Variants in ARHGEF6 observed in about 807,000 individuals in gnomAD.
ARHGEF6 encodes the protein Rac/Cdc42 guanine nucleotide exchange factor 6, also known as rho guanine nucleotide exchange factor 6.
A neutral mutation model predicts 70.3 loss-of-function variants in ARHGEF6; 9 were observed. The observed-to-expected ratio is 0.13, with a 90% CI of 0.08 to 0.22. The LOEUF (loss-of-function observed/expected upper bound fraction) is 0.22. ARHGEF6 is among the 10% of genes least tolerant of loss of function. The pLI is 1.00. For synonymous variants in ARHGEF6, 201 were observed against 207.8 expected (o/e 0.97, Z 0.28); for missense variants, 470 against 563.0 (o/e 0.83, Z 1.67).
chrX:136,679,025 C>G (rs1421527794), intron 16 of ARHGEF6, among the ~76,000 whole-genome samples: 1 of 112,050 alleles, frequency 8.9e-6, no homozygotes, highest in Non-Finnish European at 1.9e-5. Context: ...TCTGAGAAGC[C>G]TCTTTTTAAA....
At chrX:136,764,464 C>T (rs775195806) in intron 2 of ARHGEF6, among the ~76,000 whole-genome samples, 1 of 112,401 alleles carries the variant, frequency 8.9e-6, no homozygotes, top group South Asian at 3.7e-4. Context: ...TGAACCACTA[C>T]TACCTGCAAC....
intron 2 of ARHGEF6, among the ~76,000 whole-genome samples, chrX:136,758,206 A>G (rs1361467858): frequency 6.6e-5 from 7 of 105,488 alleles, no homozygotes; most frequent in Non-Finnish European, 9.7e-5. Context: ...ACGTGCCACC[A>G]CGCCCGGCTA....
chrX:136,727,687 C>T (rs1179217232), intron 6 of ARHGEF6, among the ~76,000 whole-genome samples: 3 of 110,259 alleles, frequency 2.7e-5, no homozygotes, highest in African/African-American at 9.9e-5. Context: ...GCCTAGGCCA[C>T]CATGCCCAGC....
intron 2 of ARHGEF6, chrX:136,774,067 G>A (rs1431601481): frequency 1.8e-5 from 2 of 111,587 alleles, no homozygotes; most frequent in African/African-American, 3.3e-5. Flanking sequence ...GCCCCTGTAC[G>A]AGAATAACAC....
At chrX:136,722,302 A>C (rs745679227) in intron 6 of ARHGEF6, among the ~76,000 whole-genome samples, 12 of 112,311 alleles carry the variant, frequency 1.1e-4, no homozygotes, top group Non-Finnish European at 2.3e-4. Context: ...AAAGCAAAAC[A>C]AAACAAAAAT....
At chrX:136,780,559 T>G (rs1205095804) in intron 1 of ARHGEF6, among the ~76,000 whole-genome samples, 159 bp downstream of exon 1, 1 of 111,969 alleles carries the variant, frequency 8.9e-6, no homozygotes, top group Non-Finnish European at 1.9e-5. Flanking sequence ...TTTTCTTACA[T>G]TTTCAAACTA....
intron 6 of ARHGEF6, among the ~76,000 whole-genome samples, chrX:136,718,668 A>G (rs1182110083): frequency 9.0e-6 from 1 of 111,614 alleles, no homozygotes; most frequent in Admixed American, 9.5e-5. Flanking sequence ...TGATAAATAT[A>G]TTTTGAATCT....
rs190654747 is a variant in ARHGEF6, at chrX:136,735,492, C to T, written c.662-3320G>A. ...TGGGTGGTGGGGGGGATTCAAAGTG[C>T]CCTAACTAGAACGAACATGAAAATG... On this transcript the variant is annotated intron_variant, in intron 5 of 21. Coordinates refer to ENST00000250617, the MANE Select transcript of ARHGEF6 (RefSeq NM_004840.3). Among the ~76,000 whole-genome samples, 10 of 111,032 alleles carry T rather than the reference C, an allele frequency of 9.0e-5. No homozygotes were observed. The East Asian group carries it at 1.4e-3, about 16-fold the overall frequency.
intron 10 of ARHGEF6, among the ~76,000 whole-genome samples, 178 bp downstream of exon 10, chrX:136,690,432 T>C (rs754743138): frequency 9.0e-6 from 1 of 110,603 alleles, no homozygotes; most frequent in African/African-American, 3.3e-5. Context: ...AAGGATCTTA[T>C]TTTGCTGCAT....
chrX:136,674,240 C>T (rs961264704), intron 19 of ARHGEF6, among the ~76,000 whole-genome samples: 1 of 112,311 alleles, frequency 8.9e-6, no homozygotes, highest in Admixed American at 9.4e-5. Flanking sequence ...GAAATCCCCT[C>T]CCACATTCAA....
At chrX:136,675,659 G>T (rs1185857403) in intron 18 of ARHGEF6, among the ~76,000 whole-genome samples, 1 of 109,902 alleles carries the variant, frequency 9.1e-6, no homozygotes, top group Non-Finnish European at 1.9e-5. Context: ...GGGACTACAG[G>T]CACCCGCCAC....
intron 11 of ARHGEF6, among the ~76,000 whole-genome samples, chrX:136,686,627 T>TATATATATATATATATATATATATAC (rs1569393860): frequency 1.9e-5 from 1 of 52,309 alleles, no homozygotes; most frequent in East Asian, 4.7e-4. Context: ...TATATACACA[T>TATATATATATATATATATATATATAC]ATATATATAT....
intron 12 of ARHGEF6, among the ~76,000 whole-genome samples, chrX:136,684,534 G>T (rs1037127345): frequency 1.8e-5 from 2 of 110,806 alleles, no homozygotes; most frequent in African/African-American, 6.6e-5. Flanking sequence ...CTTCCTAAAA[G>T]AAATAATCCA....
intron 9 of ARHGEF6, among the ~76,000 whole-genome samples, chrX:136,698,390 C>T (rs1390616451): frequency 9.0e-6 from 1 of 111,103 alleles, no homozygotes. Flanking sequence ...TTGAGAAAAA[C>T]ATCAACCCAC....
At chrX:136,694,961 G>T (rs2076496333) in intron 9 of ARHGEF6, among the ~76,000 whole-genome samples, 1 of 111,769 alleles carries the variant, frequency 8.9e-6, no homozygotes, top group East Asian at 2.8e-4. Context: ...CCTTCTCAGG[G>T]CCAATTGTTA....
At chrX:136,726,274 T>C (rs1279185458) in intron 6 of ARHGEF6, among the ~76,000 whole-genome samples, 4 of 111,404 alleles carry the variant, frequency 3.6e-5, no homozygotes, top group African/African-American at 1.3e-4. Flanking sequence ...GTCCTTAGCT[T>C]TCACAAAACA....
chrX:136,758,919 T>C (rs2077238150), intron 2 of ARHGEF6, among the ~76,000 whole-genome samples: 1 of 111,991 alleles, frequency 8.9e-6, no homozygotes, highest in Non-Finnish European at 1.9e-5. Flanking sequence ...TGTTTTAAGA[T>C]GAGAAATAAA....
rs762920462 is a variant in ARHGEF6, at chrX:136,676,650, G to A, written c.1919C>T (p.Ser640Leu). 1.2e-5 allele frequency: 15 copies of A among 1,205,795 alleles called. No homozygotes were observed. The highest frequency in any genetic ancestry group is 2.2e-5 in the Admixed American group (1 of 45,762). The change falls in exon 18 of 22, where the codon TCG becomes TTG. Residue 640 changes from serine (S) to leucine (L), a missense_variant. Physicochemically the swap from Ser to Leu is moderately radical, Grantham distance 145. Transcript: ENST00000250617. ...TTTCCTAATCACATATTCCTCCTCCGATGGTTTTCTCTCAGTCTTCCTTTT... is the reference window on the plus strand; with the variant it reads ...TTTCCTAATCACATATTCCTCCTCCAATGGTTTTCTCTCAGTCTTCCTTTT... ...LHKRKTERKP[S>L]EEEYVIRKST...
chrX:136,680,188 A>C (rs1199524190), intron 15 of ARHGEF6, among the ~76,000 whole-genome samples: 1 of 112,804 alleles, frequency 8.9e-6, no homozygotes, highest in East Asian at 2.8e-4. Context: ...CAAACAACAC[A>C]GCATATCTTC....
Sources: allele counts gnomAD v4.1 joint callset (sites outside exome capture counted in the v4.1 genomes callset), GRCh38; gene constraint gnomAD v4.1.1; transcripts MANE v1.5; gene names NCBI Gene and HGNC (gene_info 2026-07-23, HGNC 2026-07-21).